Variants in MYO10 observed in about 807,000 individuals in gnomAD.
The protein encoded by MYO10 is unconventional myosin-X.
MYO10 carries 133 observed loss-of-function variants against 257.3 expected under a neutral mutation model. The ratio of observed to expected loss-of-function variants is 0.52; its 90% CI spans 0.45 to 0.60. The LOEUF (loss-of-function observed/expected upper bound fraction) is 0.60, where lower values mean the gene tolerates loss of function less well. Among genes scored for constraint, MYO10 ranks in the 20% least tolerant of loss-of-function variants. The probability of loss-of-function intolerance (pLI) is 0.00; values close to 1 mark genes in which losing one functional copy is unlikely to be tolerated. For missense variants in MYO10, 2,399 were observed against 2,635.7 expected (o/e 0.91, Z 1.97); for synonymous variants, 1,104 against 1,028.6 (o/e 1.07, Z -1.40).
rs373725716 is a variant in MYO10 at position 16,814,686 on chromosome 5, AATG to A, written c.279+3320_279+3322del. 44 of 152,322 alleles carry A rather than the reference AATG, an allele frequency of 2.9e-4. 1 individual carries two copies. The East Asian group carries it at 4.2e-3, about 15-fold the overall frequency. The allele number at this position is 152,322 out of a possible 1,614,324, so 9.4% of individuals were successfully genotyped here. ...GCTGACATCTCCGGTGAATGGCTTC[AATG>A]ATAATTTTAAAAAATCATGGTGGCT... On this transcript the variant is annotated intron_variant, in intron 3 of 40. Coordinates refer to ENST00000513610, the MANE Select transcript of MYO10 (RefSeq NM_012334.3).
chr5:16,863,826 G>A (rs760050699), intron 2 of MYO10, among the ~76,000 whole-genome samples: 11 of 152,168 alleles, frequency 7.2e-5, no homozygotes, highest in African/African-American at 1.4e-4. Flanking sequence ...GGCCAGGTGC[G>A]GTGGCTCATG....
chr5:16,785,406 T>C (rs976993495), intron 4 of MYO10, among the ~76,000 whole-genome samples: 1 of 152,178 alleles, frequency 6.6e-6, no homozygotes, highest in African/African-American at 2.4e-5. Context: ...TTAAAACATA[T>C]CTATATTGAC....
At chr5:16,686,586 G>A (rs1469385822) in intron 28 of MYO10, among the ~76,000 whole-genome samples, 5 of 151,820 alleles carry the variant, frequency 3.3e-5, no homozygotes, top group African/African-American at 1.2e-4. Flanking sequence ...CCAAGCTGGA[G>A]TACAATGGCA....
intron 34 of MYO10, 131 bp downstream of exon 34, chr5:16,675,900 T>C (rs1303340763): frequency 2.6e-6 from 3 of 1,159,524 alleles, no homozygotes; most frequent in Admixed American, 5.4e-5. Context: ...ATATTTCATC[T>C]TTTCCTTCCA....
intron 1 of MYO10, among the ~76,000 whole-genome samples, chr5:16,896,966 G>T (rs951837806): frequency 6.6e-6 from 1 of 152,066 alleles, no homozygotes; most frequent in Non-Finnish European, 1.5e-5. Flanking sequence ...GAGAGAGAAG[G>T]AAAAGAAAGG....
intron 1 of MYO10, among the ~76,000 whole-genome samples, chr5:16,918,759 C>T (rs2126798685): frequency 6.6e-6 from 1 of 152,162 alleles, no homozygotes; most frequent in East Asian, 1.9e-4. Flanking sequence ...CCTCAGCCTC[C>T]CAAAGTACTG....
chr5:16,851,847 T>C (rs1266346753), intron 2 of MYO10, among the ~76,000 whole-genome samples: 2 of 151,782 alleles, frequency 1.3e-5, no homozygotes, highest in Non-Finnish European at 2.9e-5. Context: ...GGTCAGGAGT[T>C]AGAGACCAGC....
chr5:16,689,790 T>C (rs770064172), intron 28 of MYO10, 34 bp downstream of exon 28: 1 of 1,518,984 alleles, frequency 6.6e-7, no homozygotes, highest in South Asian at 1.1e-5. Flanking sequence ...GGGAGCAGGA[T>C]GTGGGTAACA....
chr5:16,865,811 G>GATAATAATAATAATAATAATAATAATA (rs5866211), intron 2 of MYO10, among the ~76,000 whole-genome samples: 5 of 142,630 alleles, frequency 3.5e-5, no homozygotes, highest in African/African-American at 1.1e-4. Flanking sequence ...ACTCCGTCTC[G>GATAATAATAATAATAATAATAATAATA]ATAATAATAA....
At chr5:16,836,179 ATTCT>A (rs1743306401) in intron 2 of MYO10, among the ~76,000 whole-genome samples, 1 of 152,004 alleles carries the variant, frequency 6.6e-6, no homozygotes, top group Non-Finnish European at 1.5e-5. Flanking sequence ...GTGTCTGGAG[ATTCT>A]TTCTTTCTGG....
rs143175709 is a variant in MYO10 at position 16,801,206 on chromosome 5, T to G, written c.280-6373A>C. ...GCTGCTCCTGATTTTTAAAGATCAA[T>G]CATGCATTTATTTATTTTTGAGACA... On this transcript the variant is annotated intron_variant, in intron 3 of 40. Transcript: ENST00000513610. Among the ~76,000 whole-genome samples, 315 of 152,224 alleles carry G rather than the reference T, an allele frequency of 2.1e-3. 2 individuals carry two copies. Among genetic ancestry groups the G allele is most frequent in the African/African-American group, 7.1e-3 (295 of 41,558 alleles).
At position 16,701,530 on chromosome 5, in the gene MYO10, C is replaced by G. The variant is rs1738071382; in HGVS notation, c.2865G>C (p.Arg955=). ...LNFDEIDECV[R]NIERSLSVGS... Reference sequence around the variant, plus strand: ...CCACCGACAGGGACCGCTCGATATTCCGGACACACTCGTCGATCTCGTCGA... The same window carrying G: ...CCACCGACAGGGACCGCTCGATATTGCGGACACACTCGTCGATCTCGTCGA... Residue 955 remains arginine, a synonymous_variant, in exon 25 of 41, where the codon CGG becomes CGC. Transcript: ENST00000513610. This position sits in a 1 kb window ranked among gnomAD's most constrained non-coding sequence, Gnocchi z 8.1. 1 of 1,614,000 alleles carries G rather than the reference C, an allele frequency of 6.2e-7. No homozygotes were observed. Among genetic ancestry groups the G allele is most frequent in the African/African-American group, 1.3e-5 (1 of 75,070 alleles).
intron 1 of MYO10, among the ~76,000 whole-genome samples, chr5:16,898,937 G>GAGTTCGAGC (rs1399284404): frequency 1.6e-5 from 2 of 121,652 alleles, no homozygotes; most frequent in Admixed American, 9.3e-5. Flanking sequence ...CCTGAGCCTG[G>GAGTTCGAGC]CCACCTGGCC....
At chr5:16,725,068 CCTT>C (rs1450175585) in intron 19 of MYO10, among the ~76,000 whole-genome samples, 7 of 145,828 alleles carry the variant, frequency 4.8e-5, no homozygotes, top group South Asian at 2.2e-4. Context: ...AGTTCTCTCA[CCTT>C]CTTCTTCTTT....
intron 2 of MYO10, among the ~76,000 whole-genome samples, chr5:16,840,532 A>C (rs253336): frequency 0.72 from 110,176 of 151,984 alleles, 40,228 homozygotes; most frequent in African/African-American, 0.79. Context: ...TTTCCATTCT[A>C]AGAAGCCCTT....
intron 2 of MYO10, among the ~76,000 whole-genome samples, chr5:16,826,439 G>C (rs1743002162): frequency 1.3e-5 from 2 of 152,184 alleles, no homozygotes; most frequent in African/African-American, 4.8e-5. Flanking sequence ...ATAAAAGGTA[G>C]CAATTCCTAT....
intron 26 of MYO10, among the ~76,000 whole-genome samples, chr5:16,696,392 G>A (rs572650070): frequency 6.6e-6 from 1 of 152,078 alleles, no homozygotes; most frequent in African/African-American, 2.4e-5. Flanking sequence ...GAAACTTTTT[G>A]GCTCTGCTTT....
At chr5:16,820,151 T>C (rs899362548) in intron 2 of MYO10, among the ~76,000 whole-genome samples, 1 of 152,236 alleles carries the variant, frequency 6.6e-6, no homozygotes, top group African/African-American at 2.4e-5. Context: ...TGAAGAAACA[T>C]GTAGACCCTT....
chr5:16,899,665 G>T (rs1298781117), intron 1 of MYO10, among the ~76,000 whole-genome samples: 2 of 150,414 alleles, frequency 1.3e-5, no homozygotes, highest in Non-Finnish European at 3.0e-5. Context: ...TGATAAATCA[G>T]AATTGCTACA....
Sources: gnomAD v4.1 joint callset for allele counts (sites outside exome capture counted in the v4.1 genomes callset) on GRCh38, gnomAD v4.1.1 for gene constraint, Gnocchi (gnomAD v3.1) non-coding constraint, MANE v1.5 for transcripts, NCBI Gene and HGNC (gene_info 2026-07-23, HGNC 2026-07-21) for gene names.